Variants in ZXDC observed in about 807,000 individuals in gnomAD.
ZXDC encodes the protein zinc finger protein ZXDC.
In ZXDC, 58 loss-of-function variants were observed where a neutral mutation model predicts 63.6. The observed-to-expected ratio is 0.91, with a 90% CI of 0.74 to 1.13. The LOEUF (loss-of-function observed/expected upper bound fraction) is 1.13. ZXDC is among the 50% of genes most tolerant of loss of function. ZXDC has a pLI of 0.00. For missense variants in ZXDC, 1,133 were observed against 1,148.9 expected (o/e 0.99, Z 0.20); for synonymous variants, 561 against 496.1 (o/e 1.13, Z -1.74).
chr3:126,467,562 C>T (rs1423220600), intron 4 of ZXDC, among the ~76,000 whole-genome samples: 1 of 152,218 alleles, frequency 6.6e-6, no homozygotes, highest in African/African-American at 2.4e-5. Context: ...AGATAGGATA[C>T]GGCCAGATGA....
chr3:126,457,812 G>C (rs915797813), intron 7 of ZXDC: 7 of 325,930 alleles, frequency 2.1e-5, no homozygotes, highest in Non-Finnish European at 3.1e-5. Flanking sequence ...AGAGGCTGGG[G>C]GTCTCCTGCA....
In ZXDC at chr3:126,472,227, G is replaced by A. The variant is rs1935007980; in HGVS notation, c.986C>T (p.Ser329Phe). Residue 329 changes from serine to phenylalanine, a missense_variant, in exon 2 of 10, where the codon TCC becomes TTC. Physicochemically the swap from Ser to Phe is radical, Grantham distance 155. Transcript: ENST00000389709. Reference protein sequence around the residue: ...RAHFREQELFSCSFPGCSKQY... With the variant: ...RAHFREQELFFCSFPGCSKQY... ...CTTGCTGCACCCAGGAAAGGAGCAG[G>A]AAAAGAGCTCTTGTTCCCTGAAGTG... The A allele has an allele frequency of 6.2e-7, 1 of 1,613,520 alleles. No individual in the cohort carries two copies. The highest frequency in any genetic ancestry group is 1.3e-5 in the African/African-American group (1 of 74,932).
chr3:126,438,566 G>A, intron 9 of ZXDC, 105 bp from the exon 10 acceptor site: 2 of 966,378 alleles, frequency 2.1e-6, no homozygotes, highest in Admixed American at 5.4e-5. Flanking sequence ...TGAGATACCT[G>A]ACTTCTCTTA....
chr3:126,467,217 G>A (rs943488231), intron 4 of ZXDC, among the ~76,000 whole-genome samples: 5 of 152,156 alleles, frequency 3.3e-5, no homozygotes, highest in African/African-American at 4.8e-5. Context: ...TGCTCCTGCC[G>A]CAGGAGCTGC....
intron 7 of ZXDC, chr3:126,453,898 G>A (rs1484429222): frequency 3.0e-6 from 3 of 984,878 alleles, no homozygotes; most frequent in African/African-American, 1.8e-5. Context: ...TGATTGTCTA[G>A]AGGTTTTGTT....
intron 1 of ZXDC, among the ~76,000 whole-genome samples, chr3:126,473,255 C>T (rs909856879): frequency 6.6e-6 from 1 of 152,086 alleles, no homozygotes; most frequent in Non-Finnish European, 1.5e-5. Flanking sequence ...TTGGCAAGAA[C>T]CCCCCACACC....
At chr3:126,471,834 G>A in intron 3 of ZXDC, 139 bp downstream of exon 3, 2 of 672,156 alleles carry the variant, frequency 3.0e-6, no homozygotes, top group Non-Finnish European at 4.5e-6. Flanking sequence ...ACAGTTTTCT[G>A]AATTTTCCAA....
intron 5 of ZXDC, among the ~76,000 whole-genome samples, chr3:126,465,261 G>A (rs1369312406): frequency 6.6e-6 from 1 of 152,250 alleles, no homozygotes; most frequent in African/African-American, 2.4e-5. Flanking sequence ...GCACATGGGT[G>A]TGCTCCCCAG....
chr3:126,452,387 G>A, intron 7 of ZXDC: 1 of 985,394 alleles, frequency 1.0e-6, no homozygotes, highest in African/African-American at 1.7e-5. Flanking sequence ...TGTCAGCCAA[G>A]CCTGTGGGCT....
At chr3:126,440,621 T>C (rs978953225) in intron 8 of ZXDC, 15 of 986,334 alleles carry the variant, frequency 1.5e-5, no homozygotes, top group Non-Finnish European at 1.8e-5. Flanking sequence ...TTTCCTTGGA[T>C]GGTCCTCCCC....
rs569453602 is a variant in ZXDC, at chr3:126,441,270, G to C, written c.2394+495C>G. The stretch of plus-strand genomic sequence containing the variant: ...TGGAGGGGCTCTGTTTCGTAGGAAA[G>C]AAAATAGAAAAACACTGAAAAGACC... On this transcript the variant is annotated intron_variant, in intron 8 of 9. Transcript: ENST00000389709. 3.0e-6 allele frequency: 3 copies of C among 987,290 alleles called. No homozygotes were observed. The East Asian group carries it at 3.4e-4, about 112-fold the overall frequency. 61.2% of individuals were successfully genotyped at this position (987,290 alleles called of 1,614,324 possible). A position where few individuals can be genotyped will look rare whatever the true frequency, so the allele number is the denominator to read the frequency against.
intron 6 of ZXDC, 43 bp downstream of exon 6, chr3:126,461,492 A>T: frequency 1.3e-6 from 2 of 1,555,186 alleles, no homozygotes; most frequent in Non-Finnish European, 1.7e-6. Context: ...CGAGTATGAG[A>T]GAAGTGACCT....
At chr3:126,452,945 C>G in intron 7 of ZXDC, 1 of 881,080 alleles carries the variant, frequency 1.1e-6, no homozygotes, top group Non-Finnish European at 1.4e-6. Flanking sequence ...ACCACGTTGC[C>G]CAGGCTGGTC....
At chr3:126,449,267 C>T (rs1053129220) in intron 7 of ZXDC, among the ~76,000 whole-genome samples, 2 of 152,168 alleles carry the variant, frequency 1.3e-5, no homozygotes, top group African/African-American at 4.8e-5. Context: ...CACTATGTTG[C>T]CCAGGCTGGA....
intron 7 of ZXDC, among the ~76,000 whole-genome samples, chr3:126,450,079 T>C (rs1934039137): frequency 6.6e-6 from 1 of 152,024 alleles, no homozygotes; most frequent in Admixed American, 6.5e-5. Flanking sequence ...AAACCAAAGC[T>C]TTACTCACAG....
At chr3:126,439,374 T>A (rs1337625011) in intron 9 of ZXDC, among the ~76,000 whole-genome samples, 2 of 152,214 alleles carry the variant, frequency 1.3e-5, no homozygotes, top group Admixed American at 1.3e-4. Flanking sequence ...TTAACTGGAA[T>A]TCCTAGGCAC....
chr3:126,445,042 GA>G (rs572867263), intron 7 of ZXDC, among the ~76,000 whole-genome samples: 3 of 152,012 alleles, frequency 2.0e-5, no homozygotes, highest in South Asian at 2.1e-4. Flanking sequence ...CATACAATAT[GA>G]AAAAAAATCA....
At chr3:126,460,468 C>T (rs1252530869) in intron 6 of ZXDC, 3 of 985,350 alleles carry the variant, frequency 3.0e-6, no homozygotes, top group East Asian at 2.3e-4. Flanking sequence ...GGGGTTAAGA[C>T]CAAGGTCTTG....
chr3:126,439,534 C>A (rs920943814), intron 9 of ZXDC, 98 bp downstream of exon 9: 2 of 1,546,148 alleles, frequency 1.3e-6, no homozygotes, highest in African/African-American at 2.7e-5. Flanking sequence ...AGCCACGCGG[C>A]CTCAGTGACC....
Sources: gnomAD v4.1 joint callset for allele counts (sites outside exome capture counted in the v4.1 genomes callset) on GRCh38, gnomAD v4.1.1 for gene constraint, MANE v1.5 for transcripts, NCBI Gene and HGNC (gene_info 2026-07-23, HGNC 2026-07-21) for gene names.